The following CHN2 variants were observed in gnomAD, a reference collection of about 807,000 sequenced individuals.
The protein encoded by CHN2 is beta-chimaerin.
In CHN2, 35 loss-of-function variants were observed where a neutral mutation model predicts 56.3. The observed-to-expected ratio is 0.62, with a 90% confidence interval of 0.47 to 0.82. The LOEUF is 0.82. CHN2 is among the 40% of genes least tolerant of loss of function. The pLI, the probability that CHN2 is intolerant of heterozygous loss-of-function variation, is 0.00. For missense variants in CHN2, 491 were observed against 580.5 expected (o/e 0.85, Z 1.58); for synonymous variants, 210 against 212.8 (o/e 0.99, Z 0.12).
intron 1 of CHN2, among the ~76,000 whole-genome samples, chr7:29,340,553 T>C (rs1019390377): frequency 1.3e-5 from 2 of 152,132 alleles, no homozygotes; most frequent in East Asian, 3.9e-4. Flanking sequence ...ATTAAGCAGG[T>C]TTAACTGTCC....
intron 1 of CHN2, among the ~76,000 whole-genome samples, chr7:29,331,887 C>CT (rs1480341470): frequency 6.6e-6 from 1 of 152,064 alleles, no homozygotes; most frequent in African/African-American, 2.4e-5. Context: ...TGGCACGTGC[C>CT]TGTAATCCCA....
At chr7:29,502,924 G>A (rs6971910) in intron 9 of CHN2, among the ~76,000 whole-genome samples, 2,369 of 152,014 alleles carry the variant, frequency 0.016, 59 homozygotes, top group African/African-American at 0.051. Context: ...AACAGGCCCC[G>A]GTGTGTGGTG....
chr7:29,441,868 C>G (rs557315263), intron 6 of CHN2, among the ~76,000 whole-genome samples: 1 of 152,260 alleles, frequency 6.6e-6, no homozygotes, highest in African/African-American at 2.4e-5. Context: ...GGAAAACAGT[C>G]TAGCAGTCCC....
At chr7:29,252,588 T>TTTTG (rs1788691615) in intron 1 of CHN2, among the ~76,000 whole-genome samples, 1 of 34,392 alleles carries the variant, frequency 2.9e-5, no homozygotes, top group Non-Finnish European at 5.0e-5. Context: ...GTTTTTTTTT[T>TTTTG]TTTTTTTTTT....
At chr7:29,341,492 A>G (rs1174638555) in intron 1 of CHN2, among the ~76,000 whole-genome samples, 1 of 152,156 alleles carries the variant, frequency 6.6e-6, no homozygotes, top group African/African-American at 2.4e-5. Context: ...ATAGAGATCA[A>G]TAGTATCTCT....
At chr7:29,250,930 G>A (rs1031976645) in intron 1 of CHN2, among the ~76,000 whole-genome samples, 11 of 151,952 alleles carry the variant, frequency 7.2e-5, no homozygotes, top group Non-Finnish European at 1.3e-4. Flanking sequence ...GGCTGGTCTC[G>A]AACTCCTGAC....
In CHN2 at chr7:29,480,316, A is replaced by G; in HGVS notation, c.614A>G (p.Asn205Ser). 1 of 1,614,170 alleles carries G rather than the reference A, an allele frequency of 6.2e-7. No individual in the cohort carries two copies. Among genetic ancestry groups the G allele is most frequent in the Non-Finnish European group, 8.5e-7 (1 of 1,180,034 alleles). Residue 205 changes from asparagine (N) to serine (S), a missense_variant, in exon 7 of 13, where the codon AAC (asparagine) becomes AGC (serine). Transcript: ENST00000222792. ...SLVRRAALTHNDNHFNYEKTH... is the reference protein window; with the variant it reads ...SLVRRAALTHSDNHFNYEKTH... ...GTTCGAAGGGCTGCCCTCACACACA[A>G]CGACAACCACTTCAATTATGAGAAG...
intron 6 of CHN2, among the ~76,000 whole-genome samples, chr7:29,403,157 G>A (rs867996371): frequency 1.1e-4 from 16 of 152,060 alleles, no homozygotes; most frequent in South Asian, 2.1e-4. Flanking sequence ...TACTTGGTAC[G>A]AATCCATCCG....
intron 4 of CHN2, chr7:29,396,647 T>C (rs1179139084): frequency 6.6e-6 from 1 of 152,330 alleles, no homozygotes; most frequent in Non-Finnish European, 1.5e-5. Flanking sequence ...TCTTTTCTAC[T>C]TATGTGTTGG....
At chr7:29,159,316 T>C (rs1794859320) in intron 2 of CHN2, among the ~76,000 whole-genome samples, 1 of 152,184 alleles carries the variant, frequency 6.6e-6, no homozygotes, top group Non-Finnish European at 1.5e-5. Flanking sequence ...AGAAGCAGAA[T>C]AAGGGTTGAA....
At chr7:29,161,174 TG>T (rs1334335765) in intron 2 of CHN2, among the ~76,000 whole-genome samples, 6 of 152,280 alleles carry the variant, frequency 3.9e-5, no homozygotes, top group Non-Finnish European at 8.8e-5. Flanking sequence ...AAAACTGAAA[TG>T]TTTTCAACAT....
chr7:29,489,369 G>A (rs1242547058), intron 7 of CHN2, among the ~76,000 whole-genome samples: 6 of 152,116 alleles, frequency 3.9e-5, no homozygotes, highest in African/African-American at 1.4e-4. Flanking sequence ...TTTTCAAACT[G>A]TTCTTTCTCT....
chr7:29,382,825 A>G (rs949925420), intron 3 of CHN2, among the ~76,000 whole-genome samples: 2 of 152,216 alleles, frequency 1.3e-5, no homozygotes, highest in Non-Finnish European at 2.9e-5. Flanking sequence ...ACTGAAGAAC[A>G]AATATTAGAA....
At chr7:29,314,001 A>G (rs1794779765) in intron 1 of CHN2, among the ~76,000 whole-genome samples, 1 of 152,100 alleles carries the variant, frequency 6.6e-6, no homozygotes, top group East Asian at 1.9e-4. Flanking sequence ...CAGTATATAC[A>G]CTAATGTTGA....
chr7:29,344,628 C>T (rs777490621), intron 1 of CHN2, among the ~76,000 whole-genome samples: 12 of 152,148 alleles, frequency 7.9e-5, no homozygotes, highest in Non-Finnish European at 1.8e-4. Flanking sequence ...TGGGCTTCTG[C>T]AGTAGATGTC....
At chr7:29,207,442 C>T (rs553441517) in intron 1 of CHN2, among the ~76,000 whole-genome samples, 3 of 152,176 alleles carry the variant, frequency 2.0e-5, no homozygotes, top group Admixed American at 6.5e-5. Context: ...TGCCTCCCTT[C>T]CCCAGTATCC....
chr7:29,350,778 C>G (rs902853580), intron 1 of CHN2, among the ~76,000 whole-genome samples: 1 of 152,146 alleles, frequency 6.6e-6, no homozygotes, highest in African/African-American at 2.4e-5. Context: ...ATTGACCGGA[C>G]GTTGTCCCAA....
rs3812390 is a variant in CHN2 at position 29,204,147 on chromosome 7, G to A, written c.49+9157G>A. Among the ~76,000 whole-genome samples the A allele has an allele frequency of 5.2e-4, 78 of 150,646 alleles. 1 individual carries two copies. The East Asian group carries it at 6.3e-3, about 12-fold the overall frequency. The stretch of plus-strand genomic sequence containing the variant: ...ACTCTTGCCTCATAGCCTTTGTACC[G>A]TGATGTCCTGCCATGGATAAGTATG... On this transcript the variant is annotated intron_variant, in intron 1 of 12. Transcript: ENST00000222792.
chr7:29,203,191 G>A (rs916042876), intron 1 of CHN2, among the ~76,000 whole-genome samples: 1 of 152,166 alleles, frequency 6.6e-6, no homozygotes, highest in Non-Finnish European at 1.5e-5. Context: ...TCTAGGCCTG[G>A]CACGGTGGCT....
Sources: gnomAD v4.1 joint callset for allele counts (sites outside exome capture counted in the v4.1 genomes callset) on GRCh38, gnomAD v4.1.1 for gene constraint, MANE v1.5 for transcripts, NCBI Gene and HGNC (gene_info 2026-07-23, HGNC 2026-07-21) for gene names.